The following TBC1D1 variants were observed in gnomAD, a reference collection of about 807,000 sequenced individuals.
TBC1D1 encodes the protein TBC1 domain family member 1, also known as TBC1 (tre-2/USP6, BUB2, cdc16) domain family, member 1.
TBC1D1 carries 89 observed loss-of-function variants against 125.6 expected under a neutral mutation model. The observed-to-expected ratio is 0.71, with a 90% CI of 0.60 to 0.85. TBC1D1 has a LOEUF of 0.85. Among genes scored for constraint, TBC1D1 ranks in the 40% least tolerant of loss-of-function variants. The pLI is 0.00. For missense variants in TBC1D1, 1,377 were observed against 1,469.2 expected (o/e 0.94, Z 1.03); for synonymous variants, 565 against 564.1 (o/e 1.00, Z -0.02).
At chr4:38,131,917 A>G (rs757143129) in intron 18 of TBC1D1, among the ~76,000 whole-genome samples, 3 of 152,258 alleles carry the variant, frequency 2.0e-5, no homozygotes, top group Non-Finnish European at 4.4e-5. Flanking sequence ...AATATTATCC[A>G]CTGAATCAAA....
At chr4:37,945,572 A>G (rs1726544668) in intron 2 of TBC1D1, among the ~76,000 whole-genome samples, 1 of 141,322 alleles carries the variant, frequency 7.1e-6, no homozygotes, top group African/African-American at 2.6e-5. Flanking sequence ...AAAAGCCAGC[A>G]CTTCAGTCCA....
chr4:38,083,330 C>G (rs977973797), intron 12 of TBC1D1, among the ~76,000 whole-genome samples: 3 of 152,226 alleles, frequency 2.0e-5, no homozygotes, highest in Non-Finnish European at 2.9e-5. Flanking sequence ...CTTCTATATT[C>G]AGGCGCATAC....
chr4:37,910,422 AAT>A (rs999884314), intron 2 of TBC1D1, among the ~76,000 whole-genome samples: 2 of 152,232 alleles, frequency 1.3e-5, no homozygotes, highest in Non-Finnish European at 2.9e-5. Context: ...TAAAAATCTC[AAT>A]AGTTTTTTTA....
intron 12 of TBC1D1, among the ~76,000 whole-genome samples, chr4:38,074,540 A>G (rs1755240690): frequency 6.6e-6 from 1 of 152,188 alleles, no homozygotes; most frequent in Admixed American, 6.5e-5. Flanking sequence ...GGATGTTTAG[A>G]AAAGTATCTC....
intron 12 of TBC1D1, among the ~76,000 whole-genome samples, chr4:38,075,418 TG>T (rs1253235559): frequency 6.6e-6 from 1 of 152,202 alleles, no homozygotes; most frequent in East Asian, 1.9e-4. Flanking sequence ...TTTCAGGATA[TG>T]GGCCCTTCAA....
chr4:38,109,323 T>C (rs1761858907), intron 15 of TBC1D1, among the ~76,000 whole-genome samples: 1 of 152,202 alleles, frequency 6.6e-6, no homozygotes, highest in African/African-American at 2.4e-5. Flanking sequence ...TGGGATCATA[T>C]TTATTTGGTC....
intron 2 of TBC1D1, among the ~76,000 whole-genome samples, chr4:37,959,207 T>TA (rs1180270467): frequency 1.3e-5 from 2 of 152,304 alleles, no homozygotes; most frequent in South Asian, 4.1e-4. Flanking sequence ...AATCCACCTA[T>TA]AACCTTTGAC....
intron 2 of TBC1D1, among the ~76,000 whole-genome samples, chr4:37,942,744 G>A (rs1725839910): frequency 6.6e-6 from 1 of 152,090 alleles, no homozygotes; most frequent in Non-Finnish European, 1.5e-5. Flanking sequence ...GTTTCACCAT[G>A]TTAGCCAGGA....
At chr4:38,008,138 C>T (rs1740724296) in intron 2 of TBC1D1, among the ~76,000 whole-genome samples, 1 of 152,218 alleles carries the variant, frequency 6.6e-6, no homozygotes. Flanking sequence ...TATTCTCATC[C>T]AGATTGAATA....
At chr4:38,081,207 G>A (rs1006574571) in intron 12 of TBC1D1, among the ~76,000 whole-genome samples, 5 of 152,050 alleles carry the variant, frequency 3.3e-5, no homozygotes, top group South Asian at 2.1e-4. Flanking sequence ...CCTGCTTCTC[G>A]GAGCTTCTCT....
At chr4:37,997,683 C>T in intron 2 of TBC1D1, among the ~76,000 whole-genome samples, 1 of 152,022 alleles carries the variant, frequency 6.6e-6, no homozygotes, top group South Asian at 2.1e-4. Context: ...ACACGTAGTC[C>T]CTTCCAGATC....
chr4:37,939,044 A>G (rs1724989506), intron 2 of TBC1D1, among the ~76,000 whole-genome samples: 1 of 152,222 alleles, frequency 6.6e-6, no homozygotes. Context: ...TATACCCAGT[A>G]ATGGGATGGC....
intron 12 of TBC1D1, among the ~76,000 whole-genome samples, chr4:38,059,957 T>G (rs1752466309): frequency 6.6e-6 from 1 of 152,172 alleles, no homozygotes; most frequent in Non-Finnish European, 1.5e-5. Flanking sequence ...CTCCCATCTA[T>G]GAGCAAAAAC....
chr4:38,075,492 G>A (rs756889567), intron 12 of TBC1D1, among the ~76,000 whole-genome samples: 5 of 152,240 alleles, frequency 3.3e-5, no homozygotes, highest in Non-Finnish European at 7.3e-5. Context: ...ATAACTCAGC[G>A]AACATTGTGT....
chr4:38,055,945 G>A (rs1448281155), intron 12 of TBC1D1, among the ~76,000 whole-genome samples: 2 of 152,194 alleles, frequency 1.3e-5, no homozygotes, highest in Non-Finnish European at 2.9e-5. Context: ...AATAAAGAGT[G>A]CCTCGGTGTT....
intron 18 of TBC1D1, among the ~76,000 whole-genome samples, chr4:38,125,524 G>C (rs1764502281): frequency 6.6e-6 from 1 of 152,146 alleles, no homozygotes; most frequent in Non-Finnish European, 1.5e-5. Context: ...GTTTTAATTG[G>C]AATTTTCTCC....
rs539291992 is a variant in TBC1D1, at chr4:38,113,307, G to A, written c.2558-2403G>A. 3.9e-5 allele frequency among the ~76,000 whole-genome samples: 6 copies of A among 152,246 alleles called. 1 individual carries two copies. In the East Asian group the frequency reaches 1.2e-3, roughly 29 times the overall value. On this transcript the variant is annotated intron_variant, in intron 15 of 19. Coordinates refer to ENST00000261439, the MANE Select transcript of TBC1D1 (RefSeq NM_015173.4). ...CTGCCCCCACCATCTGACCACTCTT[G>A]AGTGGCCAATTAGCATAGGTCACTC...
chr4:38,115,726 A>C lies in TBC1D1; in HGVS notation c.2574A>C (p.Thr858=). The C allele has an allele frequency of 6.2e-7, 1 of 1,613,968 alleles. No homozygotes were observed. The highest frequency in any genetic ancestry group is 8.5e-7 in the Non-Finnish European group (1 of 1,179,894). ...TTTTCACAGGGCGAACCTTTCCTAC[A>C]CACCCATACTTCTCTGCCCAGCTTG... The change falls in exon 16 of 20, where the codon ACA becomes ACC. Residue 858 remains threonine (T), a synonymous_variant. Transcript: ENST00000261439.
intron 17 of TBC1D1, among the ~76,000 whole-genome samples, chr4:38,122,394 C>A (rs1763998753): frequency 1.3e-5 from 2 of 152,202 alleles, no homozygotes; most frequent in East Asian, 1.9e-4. Flanking sequence ...CCCATTTGCC[C>A]ACCTTCTGCC....
Sources: gnomAD v4.1 joint callset for allele counts (sites outside exome capture counted in the v4.1 genomes callset) on GRCh38, gnomAD v4.1.1 for gene constraint, MANE v1.5 for transcripts, NCBI Gene and HGNC (gene_info 2026-07-23, HGNC 2026-07-21) for gene names.